Variants in GALNT18 observed in about 807,000 individuals in gnomAD.
The protein encoded by GALNT18 is polypeptide N-acetylgalactosaminyltransferase 18, also known as GalNAc-transferase 18.
In GALNT18, 44 loss-of-function variants were observed where a neutral mutation model predicts 69.5. The observed-to-expected ratio is 0.63, with a 90% CI of 0.50 to 0.81. The LOEUF is 0.81. Among genes scored for constraint, GALNT18 ranks in the 40% least tolerant of loss-of-function variants. GALNT18 has a pLI of 0.00. For synonymous variants in GALNT18, 364 were observed against 318.2 expected, an observed-to-expected ratio of 1.14 and a Z score of -1.53; for missense variants, 715 against 810.0, an observed-to-expected ratio of 0.88 and a Z score of 1.42.
intron 1 of GALNT18, among the ~76,000 whole-genome samples, chr11:11,549,982 C>G (rs1021558732): frequency 7.9e-5 from 12 of 152,230 alleles, no homozygotes. Flanking sequence ...CTGGAGCTTA[C>G]TGGAGCTGAG....
At chr11:11,529,720 G>C (rs1857600622) in intron 1 of GALNT18, among the ~76,000 whole-genome samples, 1 of 152,052 alleles carries the variant, frequency 6.6e-6, no homozygotes, top group Non-Finnish European at 1.5e-5. Flanking sequence ...GAGAAGGAGA[G>C]AGAGAGAGAC....
intron 1 of GALNT18, among the ~76,000 whole-genome samples, chr11:11,537,488 G>A (rs1178633688): frequency 6.6e-6 from 1 of 152,182 alleles, no homozygotes; most frequent in Admixed American, 6.5e-5. Flanking sequence ...TAGACAGGGA[G>A]CTGAGAAGAA....
chr11:11,489,229 G>C (rs113453751), intron 1 of GALNT18, among the ~76,000 whole-genome samples: 1 of 152,216 alleles, frequency 6.6e-6, no homozygotes, highest in Non-Finnish European at 1.5e-5. Flanking sequence ...TATTATGACA[G>C]TGAAATGAGC....
At position 11,469,473 on chromosome 11, in the gene GALNT18, C is replaced by T. The variant is rs1856226708; in HGVS notation, c.236-20537G>A. On this transcript the variant is annotated intron_variant, in intron 1 of 10. Coordinates refer to ENST00000227756, the MANE Select transcript of GALNT18 (RefSeq NM_198516.3). This position sits in a 1 kb window ranked among gnomAD's most constrained non-coding sequence, Gnocchi z 4.2. ...TGCAGGGCTCAACAGAAGCCCCTGT[C>T]CTCTAGAGAGCAATCCCTGGTCCCC... Among the ~76,000 whole-genome samples the T allele has an allele frequency of 6.6e-6, 1 of 152,188 alleles. No homozygotes were observed. Among genetic ancestry groups the T allele is most frequent in the South Asian group, 2.1e-4 (1 of 4,816 alleles).
In GALNT18 at chr11:11,604,207, G is replaced by A. The variant is rs893383573; in HGVS notation, c.235+17152C>T. Among the ~76,000 whole-genome samples the A allele has an allele frequency of 9.2e-5, 14 of 152,212 alleles. No homozygotes were observed. Among genetic ancestry groups the A allele is most frequent in the Non-Finnish European group, 1.2e-4 (8 of 68,034 alleles). ...GTATTTTGTTATAGCAGCCCAAATA[G>A]ACTAAGATACCACTTTTCAAAGATT... On this transcript the variant is annotated intron_variant, in intron 1 of 10. Transcript: ENST00000227756. This position sits in a 1 kb window ranked among gnomAD's most constrained non-coding sequence, Gnocchi z 5.6.
chr11:11,277,626 T>C lies in GALNT18; in HGVS notation c.1678-6336A>G, dbSNP rs546905714. Among the ~76,000 whole-genome samples the C allele has an allele frequency of 7.5e-4, 114 of 152,306 alleles. 2 individuals carry two copies. In the South Asian group the frequency reaches 0.023, roughly 31 times the overall value. On this transcript the variant is annotated intron_variant, in intron 10 of 10. Coordinates refer to ENST00000227756, the MANE Select transcript of GALNT18 (RefSeq NM_198516.3). ...ATTTTAGATCTTTCCTGCTTTCTCT[T>C]GTGGGCATTTAGTGCTATACATTTC... is the stretch of plus-strand genomic sequence containing the variant.
intron 1 of GALNT18, among the ~76,000 whole-genome samples, chr11:11,559,938 G>GATAGA (rs1289041984): frequency 3.3e-5 from 5 of 151,500 alleles, no homozygotes; most frequent in Non-Finnish European, 7.4e-5. Flanking sequence ...AATGTGATGG[G>GATAGA]ATAGAATAGA....
chr11:11,507,989 T>C (rs1020751398), intron 1 of GALNT18, among the ~76,000 whole-genome samples: 4 of 152,242 alleles, frequency 2.6e-5, no homozygotes, highest in African/African-American at 9.6e-5. Context: ...TTAGCTTCTC[T>C]ACTTTTGAGG....
In GALNT18 at chr11:11,549,074, T is replaced by G. The variant is rs142206987; in HGVS notation, c.235+72285A>C. ...CAGTAGGGTATAAGAGAAAGTGGTA[T>G]ATGTAACTTCTCAGAACTGTCCTTA... On this transcript the variant is annotated intron_variant, in intron 1 of 10. Coordinates refer to ENST00000227756, the MANE Select transcript of GALNT18 (RefSeq NM_198516.3). Among the ~76,000 whole-genome samples, 7 of 152,360 alleles carry G rather than the reference T, an allele frequency of 4.6e-5. No individual in the cohort carries two copies. The East Asian group carries it at 1.3e-3, about 29-fold the overall frequency.
intron 1 of GALNT18, among the ~76,000 whole-genome samples, chr11:11,576,687 G>T (rs1230080357): frequency 4.6e-5 from 7 of 152,166 alleles, no homozygotes; most frequent in Non-Finnish European, 7.3e-5. Context: ...TTGGGCTAGG[G>T]GCTGGGCCTG....
chr11:11,594,836 TATATACACATATACATAC>T (rs1215407994), intron 1 of GALNT18, among the ~76,000 whole-genome samples: 25 of 62,884 alleles, frequency 4.0e-4, no homozygotes, highest in African/African-American at 9.7e-4. Flanking sequence ...TATATATATA[TATATACACATATACATAC>T]ATACACACAC....
chr11:11,454,695 C>A lies in GALNT18; in HGVS notation c.236-5759G>T, dbSNP rs918308183. Among the ~76,000 whole-genome samples, 3 of 152,100 alleles carry A rather than the reference C, an allele frequency of 2.0e-5. No individual in the cohort carries two copies. Among genetic ancestry groups the A allele is most frequent in the Admixed American group, 1.3e-4 (2 of 15,284 alleles). ...AAGTGTCCAGCTCAAACCACAGAAC[C>A]ACAGAGAGCCAGAGAGTCAGGCCAG... On this transcript the variant is annotated intron_variant, in intron 1 of 10. Coordinates refer to ENST00000227756, the MANE Select transcript of GALNT18 (RefSeq NM_198516.3). This position sits in a 1 kb window ranked among gnomAD's most constrained non-coding sequence, Gnocchi z 4.2.
Position 11,598,263 on chromosome 11 carries a change from C to T in GALNT18, c.235+23096G>A, listed in dbSNP as rs1364059525. ...TAATCTATAACAAATTATTATAAACCCAATGGCTTAAAACAACAGAAACTT... is the reference window on the plus strand; with the variant it reads ...TAATCTATAACAAATTATTATAAACTCAATGGCTTAAAACAACAGAAACTT... On this transcript the variant is annotated intron_variant, in intron 1 of 10. Coordinates refer to ENST00000227756, the MANE Select transcript of GALNT18 (RefSeq NM_198516.3). The surrounding 1 kb of genome is among the most constrained non-coding windows in gnomAD (Gnocchi z 4.8). 6.6e-6 allele frequency among the ~76,000 whole-genome samples: 1 copy of T among 151,884 alleles called. No homozygotes were observed. The highest frequency in any genetic ancestry group is 1.5e-5 in the Non-Finnish European group (1 of 67,988).
At chr11:11,350,595 C>G (rs1850383002) in intron 6 of GALNT18, among the ~76,000 whole-genome samples, 1 of 151,808 alleles carries the variant, frequency 6.6e-6, no homozygotes, top group African/African-American at 2.4e-5. Flanking sequence ...CTATTGCTCA[C>G]TGACACCTGG....
intron 1 of GALNT18, among the ~76,000 whole-genome samples, chr11:11,466,290 G>C (rs1435606183): frequency 6.6e-6 from 1 of 152,166 alleles, no homozygotes; most frequent in Non-Finnish European, 1.5e-5. Context: ...CCACCTTTAC[G>C]TGAATATTGA....
At chr11:11,283,496 C>G (rs1412572954) in intron 10 of GALNT18, among the ~76,000 whole-genome samples, 1 of 152,176 alleles carries the variant, frequency 6.6e-6, no homozygotes, top group African/African-American at 2.4e-5. Flanking sequence ...CTAACCAGGT[C>G]ACTCTGGGTG....
At chr11:11,440,220 T>A (rs1855505132) in intron 2 of GALNT18, among the ~76,000 whole-genome samples, 2 of 152,184 alleles carry the variant, frequency 1.3e-5, no homozygotes, top group Non-Finnish European at 2.9e-5. Context: ...AAGAGAATCA[T>A]TTACAACGTA....
chr11:11,468,445 G>A (rs1046790229), intron 1 of GALNT18, among the ~76,000 whole-genome samples: 1 of 152,080 alleles, frequency 6.6e-6, no homozygotes, highest in Non-Finnish European at 1.5e-5. Flanking sequence ...AAACAGCCAA[G>A]TCTTGTTTTA....
At chr11:11,507,449 C>T (rs1177101442) in intron 1 of GALNT18, among the ~76,000 whole-genome samples, 1 of 152,090 alleles carries the variant, frequency 6.6e-6, no homozygotes, top group East Asian at 1.9e-4. Flanking sequence ...TTCCTCCTCT[C>T]CCACCTCTTT....
Sources: gnomAD v4.1 joint callset for allele counts (sites outside exome capture counted in the v4.1 genomes callset) on GRCh38, gnomAD v4.1.1 for gene constraint, Gnocchi (gnomAD v3.1) non-coding constraint, MANE v1.5 for transcripts, NCBI Gene and HGNC (gene_info 2026-07-23, HGNC 2026-07-21) for gene names.